The following CNTNAP2 variants were observed in gnomAD, a reference collection of about 807,000 sequenced individuals.
CNTNAP2 encodes contactin associated protein 2, also known as contactin-associated protein-like 2.
In CNTNAP2, 98 loss-of-function variants were observed where a neutral mutation model predicts 155.2. The ratio of observed to expected loss-of-function variants is 0.63; its 90% confidence interval spans 0.54 to 0.75. The LOEUF (loss-of-function observed/expected upper bound fraction) is 0.75. Among genes scored for constraint, CNTNAP2 ranks in the 30% least tolerant of loss-of-function variants. The pLI is 0.00. For missense variants in CNTNAP2, 1,727 were observed against 1,688.1 expected (o/e 1.02, Z -0.40); for synonymous variants, 651 against 631.2 (o/e 1.03, Z -0.47).
At chr7:146,272,747 A>G (rs116283599) in intron 1 of CNTNAP2, among the ~76,000 whole-genome samples, 2,741 of 152,246 alleles carry the variant, frequency 0.018, 94 homozygotes, top group African/African-American at 0.061. Context: ...CAATAGATTG[A>G]GGAGTAAATG....
chr7:147,337,368 G>A (rs1795682756), intron 9 of CNTNAP2, among the ~76,000 whole-genome samples: 1 of 152,048 alleles, frequency 6.6e-6, no homozygotes, highest in Non-Finnish European at 1.5e-5. Flanking sequence ...CTGAGCTAAA[G>A]CATTTCAGGA....
At chr7:148,346,622 A>C (rs1218471496) in intron 21 of CNTNAP2, among the ~76,000 whole-genome samples, 2 of 151,860 alleles carry the variant, frequency 1.3e-5, no homozygotes, top group East Asian at 3.9e-4. Flanking sequence ...AAATACAAAA[A>C]TTAGCCAGGT....
intron 3 of CNTNAP2, among the ~76,000 whole-genome samples, chr7:146,872,251 A>G (rs1795327049): frequency 1.3e-5 from 2 of 151,618 alleles, no homozygotes; most frequent in Admixed American, 1.3e-4. Flanking sequence ...ATCACAAGAA[A>G]AAAGTATATA....
At chr7:147,031,121 A>C (rs1310438311) in intron 3 of CNTNAP2, among the ~76,000 whole-genome samples, 1 of 152,132 alleles carries the variant, frequency 6.6e-6, no homozygotes, top group African/African-American at 2.4e-5. Flanking sequence ...TGATAATGTT[A>C]GATTTGTATT....
chr7:147,051,166 T>C (rs1799464954), intron 4 of CNTNAP2, among the ~76,000 whole-genome samples: 1 of 135,206 alleles, frequency 7.4e-6, no homozygotes, highest in Non-Finnish European at 1.5e-5. Flanking sequence ...AAACACAATA[T>C]TATATATACA....
At chr7:148,163,632 C>A (rs755463122) in intron 17 of CNTNAP2, among the ~76,000 whole-genome samples, 13 of 152,142 alleles carry the variant, frequency 8.5e-5, no homozygotes, top group Non-Finnish European at 1.6e-4. Flanking sequence ...TGAAAAAAAT[C>A]CATCCTATTG....
intron 1 of CNTNAP2, among the ~76,000 whole-genome samples, chr7:146,391,576 C>T (rs1021469614): frequency 6.6e-6 from 1 of 152,130 alleles, no homozygotes; most frequent in Non-Finnish European, 1.5e-5. Context: ...CAACTTTGAT[C>T]TTATACATTA....
At chr7:147,816,231 C>A (rs1294088922) in intron 13 of CNTNAP2, among the ~76,000 whole-genome samples, 2 of 152,032 alleles carry the variant, frequency 1.3e-5, no homozygotes, top group Non-Finnish European at 2.9e-5. Context: ...TCACCAGGAG[C>A]CCTGCCTTGG....
intron 14 of CNTNAP2, among the ~76,000 whole-genome samples, chr7:147,908,656 G>A (rs1481454858): frequency 1.3e-5 from 2 of 152,158 alleles, no homozygotes; most frequent in Non-Finnish European, 2.9e-5. Context: ...GAGAAGGGCT[G>A]GGAGATTATG....
chr7:147,124,175 C>T (rs1486156295), intron 6 of CNTNAP2, among the ~76,000 whole-genome samples: 1 of 152,160 alleles, frequency 6.6e-6, no homozygotes, highest in Non-Finnish European at 1.5e-5. Flanking sequence ...TGAAAATTAG[C>T]TTCAAACCTA....
At chr7:147,102,702 G>T (rs369884229) in intron 4 of CNTNAP2, among the ~76,000 whole-genome samples, 4 of 152,196 alleles carry the variant, frequency 2.6e-5, no homozygotes, top group African/African-American at 9.6e-5. Context: ...AGGCTCATTT[G>T]CTACTATTAC....
At chr7:148,080,746 A>T (rs552962764) in intron 15 of CNTNAP2, among the ~76,000 whole-genome samples, 22 of 152,300 alleles carry the variant, frequency 1.4e-4, no homozygotes, top group African/African-American at 4.1e-4. Flanking sequence ...TTATCTAGGA[A>T]CACTTTTACT....
At chr7:148,146,781 C>A (rs1313177507) in intron 16 of CNTNAP2, among the ~76,000 whole-genome samples, 2 of 152,176 alleles carry the variant, frequency 1.3e-5, no homozygotes, top group Non-Finnish European at 1.5e-5. Context: ...AGGTTACCCT[C>A]ATTACACCAA....
chr7:147,509,728 CT>C (rs1287834426), intron 11 of CNTNAP2, among the ~76,000 whole-genome samples: 1 of 151,966 alleles, frequency 6.6e-6, no homozygotes, highest in Non-Finnish European at 1.5e-5. Context: ...CTCTCTTCTG[CT>C]TGTTTCCTTG....
At chr7:146,871,182 A>G (rs1415063604) in intron 3 of CNTNAP2, among the ~76,000 whole-genome samples, 1 of 152,292 alleles carries the variant, frequency 6.6e-6, no homozygotes, top group Admixed American at 6.5e-5. Flanking sequence ...CAGAAATATT[A>G]AACAGGCACA....
At chr7:147,646,403 T>C (rs1356871942) in intron 13 of CNTNAP2, among the ~76,000 whole-genome samples, 1 of 152,220 alleles carries the variant, frequency 6.6e-6, no homozygotes, top group Non-Finnish European at 1.5e-5. Context: ...TCCTTTTAAC[T>C]GACATCAAAA....
chr7:147,803,129 C>G (rs148247918), intron 13 of CNTNAP2, among the ~76,000 whole-genome samples: 1,713 of 152,138 alleles, frequency 0.011, 93 homozygotes, highest in Admixed American at 0.089. Flanking sequence ...GAGAAAGGGA[C>G]CAAACCAGTT....
intron 10 of CNTNAP2, among the ~76,000 whole-genome samples, chr7:147,408,703 A>G (rs537237496): frequency 1.3e-5 from 2 of 152,298 alleles, no homozygotes; most frequent in South Asian, 2.1e-4. Flanking sequence ...GCTTGCAGTG[A>G]GCGAAGATTG....
chr7:147,020,629 A>G (rs561244262), intron 3 of CNTNAP2, among the ~76,000 whole-genome samples: 2 of 152,344 alleles, frequency 1.3e-5, no homozygotes, highest in South Asian at 4.1e-4. Context: ...CCAGTTTGAT[A>G]GGAAATTTAG....
Sources: allele counts gnomAD v4.1 joint callset (sites outside exome capture counted in the v4.1 genomes callset), GRCh38; gene constraint gnomAD v4.1.1; transcripts MANE v1.5; gene names NCBI Gene and HGNC (gene_info 2026-07-23, HGNC 2026-07-21).